The following ZSCAN25 variants were observed in gnomAD, a reference collection of about 807,000 sequenced individuals.
ZSCAN25 encodes the protein zinc finger and SCAN domain containing 25.
A neutral mutation model predicts 38.7 loss-of-function variants in ZSCAN25; 27 were observed. That is an observed-to-expected ratio of 0.70 (90% CI 0.51 to 0.96). The LOEUF (loss-of-function observed/expected upper bound fraction) is 0.96. ZSCAN25 is among the 40% of genes least tolerant of loss of function. ZSCAN25 has a pLI of 0.00. For synonymous variants in ZSCAN25, 273 were observed against 277.7 expected (o/e 0.98, Z 0.17); for missense variants, 637 against 705.9 (o/e 0.90, Z 1.11).
At chr7:99,714,442 CTT>C in the ZSCAN25 span, 1 of 1,498,424 alleles carries the variant, frequency 6.7e-7, no homozygotes, top group African/African-American at 1.4e-5. Flanking sequence ...CATAAGTACT[CTT>C]TATGTTAAAA....
chr7:99,693,345 G>A, the ZSCAN25 span, among the ~76,000 whole-genome samples: 1 of 152,206 alleles, frequency 6.6e-6, no homozygotes, highest in Non-Finnish European at 1.5e-5. Flanking sequence ...TCAGGCTACA[G>A]GGGGGTCAGG....
At chr7:99,657,776 G>C in the ZSCAN25 span, among the ~76,000 whole-genome samples, 1 of 152,118 alleles carries the variant, frequency 6.6e-6, no homozygotes, top group Non-Finnish European at 1.5e-5. Context: ...CCTGTATTGG[G>C]TGCATATATA....
chr7:99,624,294 G>A, intron 7 of ZSCAN25, 114 bp downstream of exon 7: 1 of 1,390,014 alleles, frequency 7.2e-7, no homozygotes, highest in East Asian at 2.3e-5. Flanking sequence ...ATGGCAGGCG[G>A]GTAAATGGGT....
chr7:99,733,926 T>C, the ZSCAN25 span, among the ~76,000 whole-genome samples: 1 of 152,210 alleles, frequency 6.6e-6, no homozygotes, highest in African/African-American at 2.4e-5. Context: ...AGTCTTGTCC[T>C]AGAGATATAT....
chr7:99,640,619 A>T, the ZSCAN25 span, among the ~76,000 whole-genome samples: 12 of 152,328 alleles, frequency 7.9e-5, no homozygotes, highest in East Asian at 5.8e-4. Flanking sequence ...CTCCAAGCCA[A>T]ATAAATTCAC....
At chr7:99,708,959 G>A in the ZSCAN25 span, 1 of 1,504,222 alleles carries the variant, frequency 6.6e-7, no homozygotes, top group Admixed American at 1.7e-5. Flanking sequence ...TACAAGCCCA[G>A]ACTGTCCTGT....
At chr7:99,710,666 G>A in the ZSCAN25 span, 1 of 1,612,084 alleles carries the variant, frequency 6.2e-7, no homozygotes, top group Middle Eastern at 1.7e-4. Flanking sequence ...CTCCTGGGAA[G>A]TGGTGAGGAA....
chr7:99,723,042 C>T, the ZSCAN25 span, among the ~76,000 whole-genome samples: 1 of 152,124 alleles, frequency 6.6e-6, no homozygotes, highest in Admixed American at 6.5e-5. Context: ...AAAAACCTTC[C>T]TGTTTCTACA....
downstream of ZSCAN25, among the ~76,000 whole-genome samples, chr7:99,632,886 G>A (rs532163750): frequency 5.9e-5 from 9 of 152,068 alleles, no homozygotes; most frequent in South Asian, 1.7e-3. Context: ...GTCTCTTAAG[G>A]CTTATAATCT....
At chr7:99,678,036 A>G in the ZSCAN25 span, among the ~76,000 whole-genome samples, 1 of 152,234 alleles carries the variant, frequency 6.6e-6, no homozygotes, top group Non-Finnish European at 1.5e-5. Context: ...AGACTAACAG[A>G]AAAGCCAGTC....
At chr7:99,684,210 C>A in the ZSCAN25 span, among the ~76,000 whole-genome samples, 1 of 148,906 alleles carries the variant, frequency 6.7e-6, no homozygotes, top group East Asian at 2.0e-4. Context: ...CACTCTGTCA[C>A]CCAGGCTGGA....
the ZSCAN25 span, chr7:99,705,550 G>T: frequency 1.2e-6 from 2 of 1,613,500 alleles, no homozygotes; most frequent in Admixed American, 3.3e-5. Context: ...AGAACAATGG[G>T]TTTTTCTGTT....
At chr7:99,651,534 T>C in the ZSCAN25 span, among the ~76,000 whole-genome samples, 2 of 152,104 alleles carry the variant, frequency 1.3e-5, no homozygotes, top group South Asian at 2.1e-4. Context: ...CTTGGTCAGC[T>C]CTGACTTACT....
the ZSCAN25 span, among the ~76,000 whole-genome samples, chr7:99,734,358 G>A: frequency 1.3e-5 from 2 of 152,266 alleles, no homozygotes; most frequent in South Asian, 4.1e-4. Flanking sequence ...TCTCACTGGT[G>A]AGAAGATTCA....
chr7:99,724,622 C>T, the ZSCAN25 span, among the ~76,000 whole-genome samples: 1 of 152,044 alleles, frequency 6.6e-6, no homozygotes, highest in Non-Finnish European at 1.5e-5. Flanking sequence ...CCTCTGCTCC[C>T]CCACCCTATA....
At chr7:99,684,972 A>T in the ZSCAN25 span, 1 of 541,462 alleles carries the variant, frequency 1.8e-6, no homozygotes. Context: ...AACACTCTAC[A>T]CAGACAGGGA....
At chr7:99,652,509 C>T in the ZSCAN25 span, 4 of 1,404,952 alleles carry the variant, frequency 2.8e-6, no homozygotes, top group Non-Finnish European at 3.9e-6. Flanking sequence ...TATGCTTGAA[C>T]CAGCCTGGGT....
chr7:99,636,851 A>T (rs951477575), downstream of ZSCAN25, among the ~76,000 whole-genome samples: 2 of 152,222 alleles, frequency 1.3e-5, no homozygotes, highest in African/African-American at 4.8e-5. Context: ...CACATGAAGA[A>T]AAATTAAGTT....
At chr7:99,672,878 A>G in the ZSCAN25 span, 1 of 1,394,722 alleles carries the variant, frequency 7.2e-7, no homozygotes, top group Non-Finnish European at 9.3e-7. Flanking sequence ...AAGGCTTCAT[A>G]TGATGAAGGG....
Sources: gnomAD v4.1 joint callset for allele counts (sites outside exome capture counted in the v4.1 genomes callset) on GRCh38, gnomAD v4.1.1 for gene constraint, MANE v1.5 for transcripts, NCBI Gene and HGNC (gene_info 2026-07-23, HGNC 2026-07-21) for gene names.